CDS1: variants seen among roughly 807,000 people sequenced by gnomAD.
CDS1 encodes phosphatidate cytidylyltransferase 1.
CDS1 carries 41 observed loss-of-function variants against 62.1 expected under a neutral mutation model. That is an observed-to-expected ratio of 0.66 (90% confidence interval 0.51 to 0.86). CDS1 has a LOEUF of 0.86. Ranked by LOEUF, CDS1 falls within the 40% of genes least tolerant of loss-of-function variation. The probability of loss-of-function intolerance (pLI) is 0.00; values close to 1 mark genes in which losing one functional copy is unlikely to be tolerated. For synonymous variants in CDS1, 185 were observed against 192.6 expected, an observed-to-expected ratio of 0.96 and a Z score of 0.32; for missense variants, 470 against 550.1, an observed-to-expected ratio of 0.85 and a Z score of 1.46.
chr4:84,639,736 G>A (rs1396743753), intron 9 of CDS1, among the ~76,000 whole-genome samples: 1 of 152,062 alleles, frequency 6.6e-6, no homozygotes, highest in Non-Finnish European at 1.5e-5. Flanking sequence ...CCTGGAGAGA[G>A]TGAATATACA....
At chr4:84,604,952 A>G (rs537524230) in intron 2 of CDS1, among the ~76,000 whole-genome samples, 115 of 152,122 alleles carry the variant, frequency 7.6e-4, no homozygotes, top group Non-Finnish European at 1.3e-3. Context: ...GTTTAAGATT[A>G]TTGTCTAAAA....
Position 84,648,584 on chromosome 4 carries a change from G to T in CDS1, c.1284G>T (p.Gln428His). 6.2e-7 allele frequency: 1 copy of T among 1,613,828 alleles called. No homozygotes were observed. Residue 428 changes from glutamine to histidine, a missense_variant, in exon 13 of 13, where the codon CAG becomes CAT. Around this residue, in one of 5 missense-constraint regions of CDS1, gnomAD observed 68 missense variants for 81.5 expected, o/e 0.83. Transcript: ENST00000295887. ...IRGPNPSKVL[Q>H]QLLVLQPEQQ... The stretch of plus-strand genomic sequence containing the variant: ...GCCCAAATCCCAGCAAAGTGCTACA[G>T]CAGTTGTTGGTGCTTCAACCTGAAC...
intron 5 of CDS1, among the ~76,000 whole-genome samples, chr4:84,625,482 T>A (rs1249189388): frequency 1.3e-5 from 2 of 151,974 alleles, no homozygotes; most frequent in Non-Finnish European, 2.9e-5. Context: ...TGAGAAGAGA[T>A]GACAGGTTTC....
chr4:84,629,327 A>ATGG (rs949789124), intron 5 of CDS1, among the ~76,000 whole-genome samples: 3 of 151,122 alleles, frequency 2.0e-5, no homozygotes, highest in African/African-American at 4.9e-5. Context: ...GCATCTCTGG[A>ATGG]GTCAACCAAC....
At chr4:84,628,623 C>G (rs1463782794) in intron 5 of CDS1, among the ~76,000 whole-genome samples, 1 of 152,154 alleles carries the variant, frequency 6.6e-6, no homozygotes. Flanking sequence ...GCCTCAAACT[C>G]CTGGGCTCAA....
At chr4:84,637,795 C>T (rs1463657299) in intron 8 of CDS1, among the ~76,000 whole-genome samples, 1 of 152,182 alleles carries the variant, frequency 6.6e-6, no homozygotes, top group Non-Finnish European at 1.5e-5. Flanking sequence ...ATATGATATG[C>T]ATCAATTTAA....
At chr4:84,590,823 A>G (rs1722571301) in intron 1 of CDS1, among the ~76,000 whole-genome samples, 1 of 152,210 alleles carries the variant, frequency 6.6e-6, no homozygotes, top group African/African-American at 2.4e-5. Context: ...ATATTGATGA[A>G]TGATTGGCTA....
chr4:84,627,825 A>ACT lies in CDS1; in HGVS notation c.581-3994_581-3993insCT, dbSNP rs563651619. On this transcript the variant is annotated intron_variant, in intron 5 of 12. Transcript: ENST00000295887. ...CAGAGGATATTAATGAAATCTTTAG[A>ACT]AAAGTGTCACAAATAATTCACAAAG... Among the ~76,000 whole-genome samples the ACT allele has an allele frequency of 2.2e-3, 334 of 152,310 alleles. 1 individual carries two copies. The highest frequency in any genetic ancestry group is 4.1e-3 in the Non-Finnish European group (279 of 68,026).
At chr4:84,607,835 G>A (rs1195925354) in intron 2 of CDS1, among the ~76,000 whole-genome samples, 1 of 152,100 alleles carries the variant, frequency 6.6e-6, no homozygotes, top group Non-Finnish European at 1.5e-5. Flanking sequence ...TAATTTAAAT[G>A]CTACCAGTTG....
chr4:84,591,947 A>T (rs1411043696), intron 1 of CDS1, among the ~76,000 whole-genome samples: 3 of 152,180 alleles, frequency 2.0e-5, no homozygotes. Flanking sequence ...TCATTGGGTG[A>T]TTTCAGGCGC....
chr4:84,640,620 C>A (rs1724349109), intron 9 of CDS1, among the ~76,000 whole-genome samples: 1 of 151,850 alleles, frequency 6.6e-6, no homozygotes, highest in South Asian at 2.1e-4. Context: ...TTATTGATTT[C>A]AAAAAAACTT....
chr4:84,595,363 T>G (rs1345158990), intron 1 of CDS1, among the ~76,000 whole-genome samples: 2 of 152,136 alleles, frequency 1.3e-5, no homozygotes, highest in Non-Finnish European at 2.9e-5. Flanking sequence ...TTCAGTCAGC[T>G]GGGGGGGCTT....
intron 3 of CDS1, among the ~76,000 whole-genome samples, chr4:84,611,894 A>T (rs1487365030): frequency 6.6e-6 from 1 of 152,112 alleles, no homozygotes; most frequent in Non-Finnish European, 1.5e-5. Context: ...CAAGGGCTAA[A>T]ATGATCACCA....
At chr4:84,638,391 A>C (rs944510396) in intron 8 of CDS1, among the ~76,000 whole-genome samples, 3 of 152,188 alleles carry the variant, frequency 2.0e-5, no homozygotes, top group Non-Finnish European at 4.4e-5. Flanking sequence ...GCTCTGGAGT[A>C]TTTTGCCATA....
chr4:84,635,037 A>AATATTTTCCTAGCG (rs1724135047), intron 7 of CDS1, among the ~76,000 whole-genome samples: 9 of 51,076 alleles, frequency 1.8e-4, no homozygotes, highest in African/African-American at 1.4e-3. Flanking sequence ...TTTTCCTAGC[A>AATATTTTCCTAGCG]TGCTAGTTTA....
At chr4:84,588,788 T>C (rs1722493916) in intron 1 of CDS1, among the ~76,000 whole-genome samples, 1 of 152,208 alleles carries the variant, frequency 6.6e-6, no homozygotes, top group African/African-American at 2.4e-5. Context: ...AGTGATATTA[T>C]GTGTAGAAGT....
In CDS1 at chr4:84,648,191, A is replaced by G. The variant is rs187895022; in HGVS notation, c.1257-366A>G. 5.3e-5 allele frequency among the ~76,000 whole-genome samples: 8 copies of G among 152,240 alleles called. No individual in the cohort carries two copies. The East Asian group carries it at 7.7e-4, about 15-fold the overall frequency. On this transcript the variant is annotated intron_variant, in intron 12 of 12. Transcript: ENST00000295887. The stretch of plus-strand genomic sequence containing the variant: ...TCATGCCCTCTTTTTGGTTTGTCCT[A>G]TGTTCACCAGGCTCCTTTCCTTACA...
chr4:84,587,940 AAG>A (rs1304778375), intron 1 of CDS1, among the ~76,000 whole-genome samples: 2 of 152,214 alleles, frequency 1.3e-5, no homozygotes, highest in African/African-American at 4.8e-5. Flanking sequence ...AGATCCAGAC[AAG>A]AGAGAACCTT....
Position 84,609,413 on chromosome 4 carries a change from T to C in CDS1, c.246-16T>C, listed in dbSNP as rs2110052169. 1.3e-6 allele frequency: 2 copies of C among 1,516,798 alleles called. No individual in the cohort carries two copies. Among genetic ancestry groups the C allele is most frequent in the South Asian group, 2.3e-5 (2 of 87,922 alleles). The allele number at this position is 1,516,798 out of a possible 1,614,324, so 94.0% of individuals were successfully genotyped here. On this transcript the variant is annotated splice_polypyrimidine_tract_variant and intron_variant, in intron 2 of 12. Coordinates refer to ENST00000295887, the MANE Select transcript of CDS1 (RefSeq NM_001263.4). ...TTAAGAACACGTTAAATACTAACTT[T>C]ACATTTTCTTTGTAGGTGGAAAAAC...
Sources: allele counts gnomAD v4.1 joint callset (sites outside exome capture counted in the v4.1 genomes callset), GRCh38; gene constraint gnomAD v4.1.1; regional missense constraint gnomAD v4.1.1; transcripts MANE v1.5; gene names NCBI Gene and HGNC (gene_info 2026-07-23, HGNC 2026-07-21).